Variants in PDE1C observed in about 807,000 individuals in gnomAD.
PDE1C encodes phosphodiesterase 1C.
Under a neutral mutation model 93.1 loss-of-function variants are expected in PDE1C, and 62 were observed. The observed-to-expected ratio is 0.67, with a 90% CI of 0.54 to 0.82. The LOEUF (loss-of-function observed/expected upper bound fraction) is 0.82. Ranked by LOEUF, PDE1C falls within the 40% of genes least tolerant of loss-of-function variation. PDE1C has a pLI of 0.00. For missense variants in PDE1C, 742 were observed against 884.6 expected (o/e 0.84, Z 2.04); for synonymous variants, 325 against 310.1 (o/e 1.05, Z -0.50).
chr7:31,705,736 A>C, the PDE1C span, among the ~76,000 whole-genome samples: 23 of 104,108 alleles, frequency 2.2e-4, no homozygotes, highest in African/African-American at 8.4e-4. Flanking sequence ...TGCTTCATGG[A>C]CTGGAAGGCG....
intron 3 of PDE1C, among the ~76,000 whole-genome samples, chr7:32,113,836 A>G (rs900667265): frequency 3.3e-5 from 5 of 152,136 alleles, no homozygotes; most frequent in African/African-American, 1.2e-4. Context: ...TACACCAACA[A>G]TAGACAAGCA....
At chr7:32,000,275 A>G (rs2128556786) in intron 2 of PDE1C, among the ~76,000 whole-genome samples, 1 of 152,250 alleles carries the variant, frequency 6.6e-6, no homozygotes, top group East Asian at 1.9e-4. Context: ...AAATGAGTAA[A>G]TTCATGCAAC....
At chr7:31,880,972 T>C (rs1304629837) in intron 2 of PDE1C, 112 bp from the exon 3 acceptor site, 7 of 704,230 alleles carry the variant, frequency 9.9e-6, no homozygotes, top group Non-Finnish European at 1.2e-5. Flanking sequence ...TTCTGATACA[T>C]CTGAAAGGAA....
At chr7:32,038,241 C>T (rs1791369408) in intron 2 of PDE1C, among the ~76,000 whole-genome samples, 1 of 152,130 alleles carries the variant, frequency 6.6e-6, no homozygotes, top group South Asian at 2.1e-4. Context: ...CATCCTGAAG[C>T]ATGAGACACA....
intron 7 of PDE1C, among the ~76,000 whole-genome samples, chr7:31,863,628 AT>A: frequency 6.6e-6 from 1 of 152,332 alleles, no homozygotes; most frequent in Middle Eastern, 3.4e-3. Context: ...CAGCTTTATA[AT>A]AAGGAAGAAC....
At chr7:31,847,824 G>T in intron 9 of PDE1C, 144 bp downstream of exon 9, 1 of 811,252 alleles carries the variant, frequency 1.2e-6, no homozygotes. Flanking sequence ...ACAAAGAGAG[G>T]GTGAGAGTGA....
At chr7:32,190,519 A>C (rs1178053600) in intron 2 of PDE1C, among the ~76,000 whole-genome samples, 1 of 152,156 alleles carries the variant, frequency 6.6e-6, no homozygotes, top group Non-Finnish European at 1.5e-5. Flanking sequence ...GTCTTGTGTA[A>C]ATTAATAATG....
intron 1 of PDE1C, among the ~76,000 whole-genome samples, chr7:32,365,689 C>T (rs1054229834): frequency 6.6e-5 from 10 of 152,126 alleles, no homozygotes; most frequent in Middle Eastern, 3.2e-3. Flanking sequence ...TCTGTAGCCC[C>T]GACCCCAGCC....
chr7:32,236,454 AAT>A (rs1429672035), intron 1 of PDE1C, among the ~76,000 whole-genome samples: 1 of 152,192 alleles, frequency 6.6e-6, no homozygotes, highest in Non-Finnish European at 1.5e-5. Flanking sequence ...CTCAAAACTC[AAT>A]AGGAAGAAAA....
intron 1 of PDE1C, among the ~76,000 whole-genome samples, chr7:32,069,421 A>T (rs1795766222): frequency 6.6e-6 from 1 of 152,200 alleles, no homozygotes; most frequent in Non-Finnish European, 1.5e-5. Context: ...ATCTGATGCC[A>T]AATGACTGAT....
At chr7:31,661,977 C>T in the PDE1C span, among the ~76,000 whole-genome samples, 1 of 152,304 alleles carries the variant, frequency 6.6e-6, no homozygotes, top group East Asian at 1.9e-4. Context: ...CAGACCTCTG[C>T]TCTCCATTTC....
intron 2 of PDE1C, among the ~76,000 whole-genome samples, chr7:31,895,770 T>G (rs1003694288): frequency 6.6e-6 from 1 of 152,056 alleles, no homozygotes; most frequent in Non-Finnish European, 1.5e-5. Context: ...ATAAGTCTCA[T>G]GAACACCGAT....
At chr7:31,862,571 G>A (rs960491752) in intron 7 of PDE1C, among the ~76,000 whole-genome samples, 1 of 152,148 alleles carries the variant, frequency 6.6e-6, no homozygotes, top group African/African-American at 2.4e-5. Context: ...TGGATTTATA[G>A]ATGACTGTGT....
At chr7:32,234,962 A>G (rs1297927636) in intron 1 of PDE1C, among the ~76,000 whole-genome samples, 3 of 152,104 alleles carry the variant, frequency 2.0e-5, no homozygotes, top group Non-Finnish European at 4.4e-5. Flanking sequence ...TAGAAAATCA[A>G]TCAATGAATT....
the PDE1C span, among the ~76,000 whole-genome samples, chr7:31,737,963 C>G: frequency 2.0e-5 from 3 of 152,186 alleles, no homozygotes; most frequent in African/African-American, 7.2e-5. Flanking sequence ...ACCTGAAAAA[C>G]CCTAGTAGAT....
chr7:32,262,219 C>A (rs987383214), intron 1 of PDE1C, among the ~76,000 whole-genome samples: 3 of 152,074 alleles, frequency 2.0e-5, no homozygotes, highest in Admixed American at 2.0e-4. Context: ...ATTTCGTTCT[C>A]TGTGATTCCC....
chr7:31,649,217 A>T, the PDE1C span, among the ~76,000 whole-genome samples: 1 of 152,240 alleles, frequency 6.6e-6, no homozygotes, highest in Non-Finnish European at 1.5e-5. Flanking sequence ...TACTCTTAGG[A>T]AAGTATTTCC....
intron 1 of PDE1C, among the ~76,000 whole-genome samples, chr7:32,051,932 T>G (rs532549251): frequency 6.6e-6 from 1 of 152,186 alleles, no homozygotes; most frequent in African/African-American, 2.4e-5. Flanking sequence ...ACCAGGTTCA[T>G]GAGGTTCTTA....
intron 2 of PDE1C, among the ~76,000 whole-genome samples, chr7:31,915,976 G>T (rs911263955): frequency 6.6e-6 from 1 of 152,076 alleles, no homozygotes; most frequent in East Asian, 1.9e-4. Context: ...ACTTAGCAAG[G>T]CCTGTCTGTT....
Sources: gnomAD v4.1 joint callset for allele counts (sites outside exome capture counted in the v4.1 genomes callset) on GRCh38, gnomAD v4.1.1 for gene constraint, MANE v1.5 for transcripts, NCBI Gene and HGNC (gene_info 2026-07-23, HGNC 2026-07-21) for gene names.